The following RELL1 variants were observed in gnomAD, a reference collection of about 807,000 sequenced individuals.
RELL1 encodes the protein RELT like 1.
Under a neutral mutation model 23.0 loss-of-function variants are expected in RELL1, and 10 were observed. That is an observed-to-expected ratio of 0.43 (90% CI 0.27 to 0.74). RELL1 has a LOEUF of 0.74. Ranked by LOEUF, RELL1 falls within the 30% of genes least tolerant of loss-of-function variation. The probability of loss-of-function intolerance (pLI) is 0.19; values close to 1 mark genes in which losing one functional copy is unlikely to be tolerated. For synonymous variants in RELL1, 146 were observed against 146.8 expected (o/e 0.99, Z 0.04); for missense variants, 315 against 364.4 (o/e 0.86, Z 1.10).
At chr4:37,685,580 AAAG>A (rs1258687584) in intron 1 of RELL1, among the ~76,000 whole-genome samples, 4 of 152,182 alleles carry the variant, frequency 2.6e-5, no homozygotes, top group Admixed American at 6.5e-5. Context: ...GAATCAACAA[AAAG>A]AAGAAAAAAA....
In RELL1 at chr4:37,658,771, G is replaced by A. The variant is rs138504814; in HGVS notation, c.89-9271C>T. On this transcript the variant is annotated intron_variant, in intron 1 of 6. Transcript: ENST00000454158. ...CATTTAGCCACTTTTCTGTTAAAATGCTAAATGATGGCCTATTCTTTCCTA... is the reference window on the plus strand; with the variant it reads ...CATTTAGCCACTTTTCTGTTAAAATACTAAATGATGGCCTATTCTTTCCTA... Among the ~76,000 whole-genome samples the A allele has an allele frequency of 1.1e-3, 175 of 152,244 alleles. 3 individuals are homozygous for A. Among genetic ancestry groups the A allele is most frequent in the African/African-American group, 4.0e-3 (168 of 41,542 alleles).
rs1367041827 is a variant in RELL1 at position 37,610,907 on chromosome 4, A to T, written c.*2439T>A. Among the ~76,000 whole-genome samples, 2 of 152,226 alleles carry T rather than the reference A, an allele frequency of 1.3e-5. No individual in the cohort carries two copies. On this transcript the variant is annotated 3_prime_UTR_variant, in exon 7 of 7. Coordinates refer to ENST00000454158, the MANE Select transcript of RELL1 (RefSeq NM_001085400.2). The surrounding 1 kb of genome is among the most constrained non-coding windows in gnomAD (Gnocchi z 4.1). ...CATCAGTTGCTTTGGGAACACAGGAATTCTCATCAGATAGTTCAGTATAAA... is the reference window on the plus strand; with the variant it reads ...CATCAGTTGCTTTGGGAACACAGGATTTCTCATCAGATAGTTCAGTATAAA...
At chr4:37,600,724 T>C (rs1378459873) in intron 6 of RELL1, among the ~76,000 whole-genome samples, 2 of 151,806 alleles carry the variant, frequency 1.3e-5, no homozygotes, top group African/African-American at 4.8e-5. Flanking sequence ...GGAGGGTTGA[T>C]TGGTTATTTT....
intron 3 of RELL1, among the ~76,000 whole-genome samples, chr4:37,642,965 G>A (rs902978089): frequency 3.3e-5 from 5 of 152,162 alleles, no homozygotes; most frequent in South Asian, 2.1e-4. Flanking sequence ...TTTGTTGTTC[G>A]TGAGTTGCAT....
In RELL1 at chr4:37,634,839, A is replaced by G. The variant is rs766824851; in HGVS notation, c.680+48T>C. The G allele has an allele frequency of 2.1e-5, 31 of 1,486,012 alleles. No individual in the cohort carries two copies. In the South Asian group the frequency reaches 2.9e-4, roughly 14 times the overall value. The allele number at this position is 1,486,012 out of a possible 1,614,324, so 92.1% of individuals were successfully genotyped here. On this transcript the variant is annotated intron_variant, in intron 5 of 6. Coordinates refer to ENST00000454158, the MANE Select transcript of RELL1 (RefSeq NM_001085400.2). ...ACAGGTAAGCAGAAGTCCACACACC[A>G]GAGCACCCATGTCACACACAAACCA...
intron 6 of RELL1, among the ~76,000 whole-genome samples, chr4:37,599,602 GCTA>G (rs1393011209): frequency 1.3e-5 from 2 of 152,160 alleles, no homozygotes; most frequent in Admixed American, 6.5e-5. Flanking sequence ...AGGATCTAGT[GCTA>G]CTACAGGACT....
chr4:37,617,521 G>C (rs769377133), intron 6 of RELL1, among the ~76,000 whole-genome samples: 2 of 152,212 alleles, frequency 1.3e-5, no homozygotes, highest in Non-Finnish European at 2.9e-5. Flanking sequence ...GGTAGCTCAT[G>C]CCTATAATCC....
chr4:37,603,150 A>AC (rs1037703543), intron 6 of RELL1, among the ~76,000 whole-genome samples: 30 of 151,938 alleles, frequency 2.0e-4, no homozygotes, highest in South Asian at 4.2e-4. Flanking sequence ...TACAGCACCA[A>AC]CCCCCCAACG....
At chr4:37,663,534 C>T (rs1312245338) in intron 1 of RELL1, among the ~76,000 whole-genome samples, 3 of 152,152 alleles carry the variant, frequency 2.0e-5, no homozygotes, top group Admixed American at 6.5e-5. Flanking sequence ...AGCATTCACA[C>T]GGGGTGTTAG....
intron 6 of RELL1, among the ~76,000 whole-genome samples, chr4:37,625,880 AT>A (rs1232952301): frequency 7.2e-5 from 11 of 152,034 alleles, no homozygotes; most frequent in African/African-American, 2.2e-4. Context: ...AATATAGATA[AT>A]TTTTGTCAAT....
intron 3 of RELL1, among the ~76,000 whole-genome samples, chr4:37,640,977 C>T (rs771690925): frequency 2.6e-5 from 4 of 152,118 alleles, no homozygotes; most frequent in Non-Finnish European, 4.4e-5. Flanking sequence ...TAAAATCAAA[C>T]GTTTAAATCA....
At chr4:37,660,778 T>G (rs549796585) in intron 1 of RELL1, among the ~76,000 whole-genome samples, 59 of 152,232 alleles carry the variant, frequency 3.9e-4, no homozygotes, top group African/African-American at 1.3e-3. Context: ...ACGCCTGTAA[T>G]CCCAGCACTT....
At chr4:37,626,288 G>GC (rs1719941008) in intron 6 of RELL1, among the ~76,000 whole-genome samples, 1 of 152,080 alleles carries the variant, frequency 6.6e-6, no homozygotes, top group Non-Finnish European at 1.5e-5. Context: ...GATCAGCCTG[G>GC]CCAACATGAT....
chr4:37,587,612 T>A (rs1718395891), downstream of RELL1, among the ~76,000 whole-genome samples: 1 of 152,196 alleles, frequency 6.6e-6, no homozygotes, highest in Non-Finnish European at 1.5e-5. Context: ...TGTCTCTTTC[T>A]GGTGCATGTG....
intron 6 of RELL1, among the ~76,000 whole-genome samples, chr4:37,604,942 C>CAG (rs1348773541): frequency 7.1e-6 from 1 of 140,968 alleles, no homozygotes; most frequent in East Asian, 2.2e-4. Flanking sequence ...CAGACACACA[C>CAG]ATACACACAC....
chr4:37,604,844 CACACACAG>C lies in RELL1; in HGVS notation c.*4-13635_*4-13628del, dbSNP rs1217411345. On this transcript the variant is annotated intron_variant, in intron 6 of 6. Transcript: ENST00000314117. Reference sequence around the variant, plus strand: ...ACAGACACACACATACACACAGACACACACACAGACACACACACACAGACACACACACA... The same window carrying C: ...ACAGACACACACATACACACAGACACACACACACACACAGACACACACACA... Among the ~76,000 whole-genome samples, 935 of 124,492 alleles carry C rather than the reference CACACACAG, an allele frequency of 7.5e-3. 39 individuals are homozygous for C. Among genetic ancestry groups the C allele is most frequent in the East Asian group, 0.046 (174 of 3,774 alleles). The allele number at this position is 124,492 out of a possible 152,430, so 81.7% of individuals were successfully genotyped here.
chr4:37,684,966 GA>G (rs959474584), intron 1 of RELL1, among the ~76,000 whole-genome samples: 30 of 149,160 alleles, frequency 2.0e-4, no homozygotes, highest in African/African-American at 6.1e-4. Context: ...ATAAGGAAAA[GA>G]AAAAAAAAAT....
At chr4:37,594,392 T>C (rs1718754378) in intron 6 of RELL1, among the ~76,000 whole-genome samples, 1 of 152,168 alleles carries the variant, frequency 6.6e-6, no homozygotes, top group Non-Finnish European at 1.5e-5. Flanking sequence ...TGCACTCTGA[T>C]TGGAAGGCAC....
intron 4 of RELL1, among the ~76,000 whole-genome samples, chr4:37,637,135 C>G (rs998758303): frequency 6.6e-6 from 1 of 152,212 alleles, no homozygotes; most frequent in South Asian, 2.1e-4. Flanking sequence ...CCAAAGATGA[C>G]TGAGACAAAG....
Sources: allele counts gnomAD v4.1 joint callset (sites outside exome capture counted in the v4.1 genomes callset), GRCh38; gene constraint gnomAD v4.1.1; non-coding constraint Gnocchi (gnomAD v3.1); transcripts MANE v1.5; gene names NCBI Gene and HGNC (gene_info 2026-07-23, HGNC 2026-07-21).